Variants in CCBE1 observed in about 807,000 individuals in gnomAD.
CCBE1 encodes collagen and calcium-binding EGF domain-containing protein 1.
CCBE1 carries 37 observed loss-of-function variants against 50.0 expected under a neutral mutation model. That is an observed-to-expected ratio of 0.74 (90% CI 0.57 to 0.97). The LOEUF is 0.97. Ranked by LOEUF, CCBE1 falls within the 50% of genes least tolerant of loss-of-function variation. CCBE1 has a pLI of 0.00. For synonymous variants in CCBE1, 234 were observed against 203.7 expected, an observed-to-expected ratio of 1.15 and a Z score of -1.27; for missense variants, 538 against 523.8, an observed-to-expected ratio of 1.03 and a Z score of -0.26.
chr18:59,587,450 C>T (rs1050352654), intron 2 of CCBE1, among the ~76,000 whole-genome samples: 14 of 151,832 alleles, frequency 9.2e-5, no homozygotes, highest in South Asian at 2.1e-4. Flanking sequence ...TATGAAAAAA[C>T]GTTTTACCAA....
intron 2 of CCBE1, among the ~76,000 whole-genome samples, chr18:59,608,387 G>T (rs191782008): frequency 6.6e-6 from 1 of 152,230 alleles, no homozygotes; most frequent in Admixed American, 6.5e-5. Flanking sequence ...GATTATTTAA[G>T]AAACTTGGGC....
At chr18:59,672,465 T>C (rs1339469804) in intron 2 of CCBE1, among the ~76,000 whole-genome samples, 2 of 152,210 alleles carry the variant, frequency 1.3e-5, no homozygotes, top group African/African-American at 4.8e-5. Flanking sequence ...CTTGGAATGC[T>C]TATACACCAT....
rs61226521 is a variant in CCBE1 at position 59,658,879 on chromosome 18, C to CAAAAAAAA, written c.212+37742_212+37749dup. 3.7e-4 allele frequency among the ~76,000 whole-genome samples: 20 copies of CAAAAAAAA among 54,742 alleles called. 3 individuals carry two copies. Among genetic ancestry groups the CAAAAAAAA allele is most frequent in the African/African-American group, 1.2e-3 (19 of 15,398 alleles). The allele number at this position is 54,742 out of a possible 152,430, so 35.9% of individuals were successfully genotyped here. ...TGGGCAACAGAGCAAGACTCTGTCT[C>CAAAAAAAA]AAAAAAAAAAAAAAAAAAAAAAAAA... is the stretch of plus-strand genomic sequence containing the variant. On this transcript the variant is annotated intron_variant, in intron 2 of 10. Transcript: ENST00000439986.
At chr18:59,527,126 T>C (rs1000484359) in intron 2 of CCBE1, among the ~76,000 whole-genome samples, 1 of 152,234 alleles carries the variant, frequency 6.6e-6, no homozygotes, top group Admixed American at 6.5e-5. Flanking sequence ...TATTATTGTG[T>C]GGAAGTATAA....
chr18:59,489,515 G>A (rs1378042806), intron 2 of CCBE1, among the ~76,000 whole-genome samples: 1 of 152,186 alleles, frequency 6.6e-6, no homozygotes, highest in Non-Finnish European at 1.5e-5. Flanking sequence ...CTGGGTTCAA[G>A]TGATTCTCCT....
chr18:59,446,332 G>C (rs536974951), intron 7 of CCBE1, among the ~76,000 whole-genome samples: 1 of 152,326 alleles, frequency 6.6e-6, no homozygotes, highest in Admixed American at 6.5e-5. Context: ...ACTTCCTCCA[G>C]AGAAGCAAAG....
At chr18:59,570,988 C>T (rs1379310114) in intron 2 of CCBE1, among the ~76,000 whole-genome samples, 1 of 152,176 alleles carries the variant, frequency 6.6e-6, no homozygotes, top group Non-Finnish European at 1.5e-5. Flanking sequence ...TGCTCCATCA[C>T]AAGAGTAAGT....
At chr18:59,447,288 G>T (rs1391345816) in intron 7 of CCBE1, among the ~76,000 whole-genome samples, 1 of 152,174 alleles carries the variant, frequency 6.6e-6, no homozygotes, top group Non-Finnish European at 1.5e-5. Flanking sequence ...TACAGTGAAA[G>T]AAAGCAGGTC....
chr18:59,553,660 A>C (rs1255748200), intron 2 of CCBE1, among the ~76,000 whole-genome samples: 1 of 152,210 alleles, frequency 6.6e-6, no homozygotes, highest in African/African-American at 2.4e-5. Flanking sequence ...CTATTTGGGA[A>C]ACATACACTT....
chr18:59,537,831 T>C (rs1991553), intron 2 of CCBE1, among the ~76,000 whole-genome samples: 106,961 of 152,052 alleles, frequency 0.7, 37,936 homozygotes, highest in African/African-American at 0.79. Context: ...CACAGCTCCG[T>C]CCTCTCCCAG....
At chr18:59,550,004 G>T (rs2564491) in intron 2 of CCBE1, among the ~76,000 whole-genome samples, 100,150 of 152,074 alleles carry the variant, frequency 0.66, 33,185 homozygotes, top group East Asian at 0.79. Context: ...TGGAGCCAAC[G>T]GGCAAGGACA....
intron 2 of CCBE1, among the ~76,000 whole-genome samples, chr18:59,552,273 A>C (rs543524023): frequency 6.6e-6 from 1 of 151,702 alleles, no homozygotes; most frequent in South Asian, 2.1e-4. Flanking sequence ...TAAGAAATGG[A>C]CTCTCCCTCT....
intron 4 of CCBE1, among the ~76,000 whole-genome samples, chr18:59,469,075 C>G (rs1404432267): frequency 6.6e-6 from 1 of 152,234 alleles, no homozygotes; most frequent in Non-Finnish European, 1.5e-5. Flanking sequence ...CTCCCTCTGA[C>G]TTCCTCCCAA....
At chr18:59,470,439 G>T (rs1295411273) in intron 3 of CCBE1, among the ~76,000 whole-genome samples, 1 of 152,144 alleles carries the variant, frequency 6.6e-6, no homozygotes, top group Admixed American at 6.5e-5. Flanking sequence ...ATATCACTTT[G>T]TAATAGAAAT....
intron 7 of CCBE1, among the ~76,000 whole-genome samples, chr18:59,447,393 T>C (rs1910725124): frequency 6.6e-6 from 1 of 152,174 alleles, no homozygotes; most frequent in African/African-American, 2.4e-5. Context: ...TATCTTGAAA[T>C]ATAGGATGGG....
intron 2 of CCBE1, among the ~76,000 whole-genome samples, chr18:59,548,194 T>C (rs963809709): frequency 1.3e-5 from 2 of 152,218 alleles, no homozygotes; most frequent in African/African-American, 4.8e-5. Flanking sequence ...AGTGGTTTGT[T>C]GGGGCCAAGA....
At position 59,550,961 on chromosome 18, in the gene CCBE1, C is replaced by T. The variant is rs1482501437; in HGVS notation, c.213-70723G>A. Among the ~76,000 whole-genome samples the T allele has an allele frequency of 5.5e-4, 69 of 124,940 alleles. 1 individual carries two copies. The highest frequency in any genetic ancestry group is 5.0e-4 in the South Asian group (2 of 3,966). 82.0% of individuals were successfully genotyped at this position (124,940 alleles called of 152,430 possible). ...CGGAGCTTGCACTGAGCTGAGATCGCGCCACTGCACTCCAGCCTGGGCAAC... is the reference window on the plus strand; with the variant it reads ...CGGAGCTTGCACTGAGCTGAGATCGTGCCACTGCACTCCAGCCTGGGCAAC... On this transcript the variant is annotated intron_variant, in intron 2 of 10. Transcript: ENST00000439986.
chr18:59,652,686 C>T (rs977553877), intron 2 of CCBE1, among the ~76,000 whole-genome samples: 1 of 152,180 alleles, frequency 6.6e-6, no homozygotes, highest in Non-Finnish European at 1.5e-5. Context: ...GATTTTCGGC[C>T]GGGCGCAGTG....
At chr18:59,567,821 A>G (rs2052852329) in intron 2 of CCBE1, among the ~76,000 whole-genome samples, 1 of 152,230 alleles carries the variant, frequency 6.6e-6, no homozygotes, top group Non-Finnish European at 1.5e-5. Context: ...CATTGCCAAC[A>G]GTGTGCAGAT....
Sources: allele counts gnomAD v4.1 joint callset (sites outside exome capture counted in the v4.1 genomes callset), GRCh38; gene constraint gnomAD v4.1.1; transcripts MANE v1.5; gene names NCBI Gene and HGNC (gene_info 2026-07-23, HGNC 2026-07-21).